IGFL2: variants seen among roughly 807,000 people sequenced by gnomAD.
IGFL2 encodes the protein IGF like family member 2.
A neutral mutation model predicts 13.9 loss-of-function variants in IGFL2; 7 were observed. The observed-to-expected ratio is 0.51, with a 90% confidence interval of 0.29 to 0.95. IGFL2 has a LOEUF of 0.95. Ranked by LOEUF, IGFL2 falls within the 40% of genes least tolerant of loss-of-function variation. The probability of loss-of-function intolerance (pLI) is 0.08; values close to 1 mark genes in which losing one functional copy is unlikely to be tolerated. For synonymous variants in IGFL2, 55 were observed against 55.8 expected, an observed-to-expected ratio of 0.99 and a Z score of 0.07; for missense variants, 138 against 147.8, an observed-to-expected ratio of 0.93 and a Z score of 0.34.
chr19:46,113,216 G>T, the IGFL2 span: 1 of 190,528 alleles, frequency 5.2e-6, no homozygotes, highest in African/African-American at 2.4e-5. Context: ...TCCTCTCTTA[G>T]AGGGAGATGA....
At chr19:46,166,122 G>T (rs148991623), downstream of IGFL2, among the ~76,000 whole-genome samples, 311 of 152,354 alleles carry the variant, frequency 2.0e-3, 2 homozygotes, top group African/African-American at 6.3e-3. Context: ...AACAGAAGAT[G>T]TGGCCCACTG....
downstream of IGFL2, chr19:46,161,371 A>G (rs1211060265): frequency 9.1e-6 from 3 of 328,360 alleles, no homozygotes; most frequent in African/African-American, 6.8e-5. Context: ...ATTCAAGACT[A>G]TTGCAATGGA....
the IGFL2 span, chr19:46,214,891 G>GCACACACA: frequency 3.4e-5 from 5 of 146,356 alleles, no homozygotes; most frequent in South Asian, 2.2e-4. Flanking sequence ...ACACGCGTGC[G>GCACACACA]CGCACACACA....
the IGFL2 span, among the ~76,000 whole-genome samples, chr19:46,175,874 G>T: frequency 7.2e-6 from 1 of 139,826 alleles, no homozygotes; most frequent in African/African-American, 2.7e-5. Flanking sequence ...ACGGAGTCTC[G>T]CTCTGTCACC....
At chr19:46,172,140 C>T in the IGFL2 span, among the ~76,000 whole-genome samples, 48 of 152,204 alleles carry the variant, frequency 3.2e-4, no homozygotes, top group Admixed American at 1.2e-3. Context: ...AAGCCATTAA[C>T]CTGGATGTAA....
At chr19:46,084,052 A>G in the IGFL2 span, among the ~76,000 whole-genome samples, 18 of 152,298 alleles carry the variant, frequency 1.2e-4, no homozygotes, top group African/African-American at 2.6e-4. Context: ...CACTGACCCA[A>G]TGATTGGTCA....
chr19:46,161,929 A>C (rs1974189443), downstream of IGFL2, among the ~76,000 whole-genome samples: 1 of 152,114 alleles, frequency 6.6e-6, no homozygotes, highest in Non-Finnish European at 1.5e-5. Flanking sequence ...TGTGTGTTTA[A>C]GTGTGTTTTT....
the IGFL2 span, among the ~76,000 whole-genome samples, chr19:46,178,936 T>C: frequency 1.3e-4 from 20 of 152,246 alleles, no homozygotes; most frequent in Non-Finnish European, 2.1e-4. Context: ...GTCACTCACA[T>C]TGGCTCAGAA....
chr19:46,212,713 T>TTCTCTCTCTCTCTCTCTCTC, the IGFL2 span: 143 of 148,700 alleles, frequency 9.6e-4, no homozygotes, highest in African/African-American at 3.3e-3. Context: ...TTCTCCTACC[T>TTCTCTCTCTCTCTCTCTCTC]TCTCTCTCTC....
chr19:46,204,392 C>G, the IGFL2 span, among the ~76,000 whole-genome samples: 4 of 152,186 alleles, frequency 2.6e-5, no homozygotes, highest in African/African-American at 9.6e-5. Context: ...CTGCAGGGGC[C>G]CCTCATGCCA....
intron 1 of IGFL2, among the ~76,000 whole-genome samples, chr19:46,150,283 TCA>T (rs1568425173): frequency 1.3e-5 from 2 of 152,208 alleles, no homozygotes; most frequent in East Asian, 1.9e-4. Flanking sequence ...TCATCCCTTA[TCA>T]TATATATAAT....
chr19:46,158,318 C>T (rs1973934944), intron 1 of IGFL2, among the ~76,000 whole-genome samples: 4 of 152,226 alleles, frequency 2.6e-5, no homozygotes, highest in South Asian at 4.2e-4. Flanking sequence ...AAGTGATTCT[C>T]CTGCCTCAGG....
In IGFL2 at chr19:46,160,465, A is replaced by T. The variant is rs781573525; in HGVS notation, c.70A>T (p.Ile24Phe). ...CLLLLCPREV[I>F]APAGSEPWLC... ...CCTCCTCTTGTGTCCAAGGGAAGTC[A>T]TCGGTGAGTACAAGGATGGGCAAGA... Residue 24 changes from isoleucine to phenylalanine, a missense_variant, in exon 2 of 4, where the codon ATC becomes TTC. By Grantham distance (21) the Ile-to-Phe change is conservative. Transcript: ENST00000377693. 5.6e-6 allele frequency: 9 copies of T among 1,613,796 alleles called. No individual in the cohort carries two copies. The highest frequency in any genetic ancestry group is 7.6e-6 in the Non-Finnish European group (9 of 1,179,742).
At chr19:46,119,398 A>G in the IGFL2 span, among the ~76,000 whole-genome samples, 1 of 152,156 alleles carries the variant, frequency 6.6e-6, no homozygotes, top group African/African-American at 2.4e-5. Flanking sequence ...ACCTGCCCAC[A>G]CACAGGGATC....
At chr19:46,169,241 T>C in the IGFL2 span, among the ~76,000 whole-genome samples, 2 of 152,136 alleles carry the variant, frequency 1.3e-5, no homozygotes, top group African/African-American at 4.8e-5. Context: ...TTTTCAGAAA[T>C]CTTTAAGACC....
chr19:46,123,023 G>A, the IGFL2 span, among the ~76,000 whole-genome samples: 15 of 151,062 alleles, frequency 9.9e-5, 1 homozygote, highest in African/African-American at 3.2e-4. Flanking sequence ...ATTTTCCCAA[G>A]CATGACCTCA....
chr19:46,148,428 C>A (rs1973257519), intron 1 of IGFL2, 131 bp downstream of exon 1: 1 of 806,442 alleles, frequency 1.2e-6, no homozygotes, highest in Non-Finnish European at 2.1e-6. Flanking sequence ...CGTGTCCTCT[C>A]TGACTGCATT....
the IGFL2 span, among the ~76,000 whole-genome samples, chr19:46,191,270 G>A: frequency 3.3e-5 from 5 of 152,150 alleles, no homozygotes; most frequent in Admixed American, 3.3e-4. Flanking sequence ...ATGGGAGGGA[G>A]AGGAGAAAAG....
At chr19:46,120,191 C>T in the IGFL2 span, 2 of 1,236,356 alleles carry the variant, frequency 1.6e-6, no homozygotes, top group Admixed American at 5.1e-5. Flanking sequence ...CCCAGCTGGG[C>T]TCCTCTCCAA....
Sources: gnomAD v4.1 joint callset for allele counts (sites outside exome capture counted in the v4.1 genomes callset) on GRCh38, gnomAD v4.1.1 for gene constraint, MANE v1.5 for transcripts, NCBI Gene and HGNC (gene_info 2026-07-23, HGNC 2026-07-21) for gene names.